TMEM236: variants seen among roughly 807,000 people sequenced by gnomAD.
TMEM236 encodes family with sequence similarity 23, member A.
In TMEM236, 11 loss-of-function variants were observed where a neutral mutation model predicts 14.7. The observed-to-expected ratio is 0.75, with a 90% CI of 0.47 to 1.24. The LOEUF is 1.24. Ranked by LOEUF, TMEM236 falls within the 50% of genes most tolerant of loss-of-function variation. The pLI, the probability that TMEM236 is intolerant of heterozygous loss-of-function variation, is 0.00. For missense variants in TMEM236, 464 were observed against 427.3 expected (o/e 1.09, Z -0.76); for synonymous variants, 182 against 168.6 (o/e 1.08, Z -0.62).
intron 1 of TMEM236, among the ~76,000 whole-genome samples, chr10:17,766,052 G>T (rs1001248690): frequency 5.9e-5 from 9 of 152,128 alleles, no homozygotes; most frequent in African/African-American, 2.2e-4. Context: ...CCACAGCCTT[G>T]GTGTTCTCTT....
intron 1 of TMEM236, among the ~76,000 whole-genome samples, chr10:17,755,260 T>C (rs1213579369): frequency 1.3e-5 from 2 of 152,128 alleles, no homozygotes; most frequent in African/African-American, 4.8e-5. Context: ...CGATGTTTTA[T>C]TTTGAAAGCG....
chr10:17,761,229 C>T (rs1837357576), intron 1 of TMEM236, among the ~76,000 whole-genome samples: 2 of 152,142 alleles, frequency 1.3e-5, no homozygotes, highest in Non-Finnish European at 2.9e-5. Flanking sequence ...AATCCAGTGT[C>T]AGACCTGATT....
At chr10:17,761,776 A>G (rs1490701343) in intron 1 of TMEM236, among the ~76,000 whole-genome samples, 7 of 152,104 alleles carry the variant, frequency 4.6e-5, no homozygotes, top group South Asian at 2.1e-4. Flanking sequence ...TTGCTTGTAA[A>G]TCAAATATTG....
chr10:17,796,176 T>G lies in TMEM236; in HGVS notation c.728T>G (p.Leu243Arg). Residue 243 changes from leucine (L) to arginine (R), a missense_variant, in exon 4 of 4, where the codon CTC (leucine) becomes CGC (arginine). Physicochemically the swap from Leu to Arg is moderately radical, Grantham distance 102 (BLOSUM62 -2). Coordinates refer to ENST00000377495, the MANE Select transcript of TMEM236 (RefSeq NM_001098844.3). ...VRAELFLWSFLLWSDTIEMVR... is the reference protein window; with the variant it reads ...VRAELFLWSFRLWSDTIEMVR... ...GCAGAGTTATTCTTATGGAGCTTTC[T>G]CCTGTGGTCTGACACGATAGAAATG... is the stretch of plus-strand genomic sequence containing the variant. 6.2e-7 allele frequency: 1 copy of G among 1,613,954 alleles called. No homozygotes were observed. Among genetic ancestry groups the G allele is most frequent in the South Asian group, 1.1e-5 (1 of 91,074 alleles).
rs1589155358 is a variant in TMEM236, at chr10:17,796,550, A to T, written c.*46A>T. 1.3e-5 allele frequency: 20 copies of T among 1,483,350 alleles called. No individual in the cohort carries two copies. The East Asian group carries it at 4.5e-4, about 34-fold the overall frequency. 91.9% of individuals were successfully genotyped at this position (1,483,350 alleles called of 1,614,324 possible). On this transcript the variant is annotated 3_prime_UTR_variant, in exon 4 of 4. Transcript: ENST00000377495. The stretch of plus-strand genomic sequence containing the variant: ...AGGCCTCTTTGTGATACCTGTGTGC[A>T]CATTTGTAATCCTTCTTTTTTTCTT...
Position 17,774,798 on chromosome 10 carries a change from T to TTTTCTCTC in TMEM236, c.331-1230_331-1229insTTCTCTCT, listed in dbSNP as rs1554835063. Among the ~76,000 whole-genome samples the TTTTCTCTC allele has an allele frequency of 2.8e-5, 4 of 142,060 alleles. No individual in the cohort carries two copies. The Admixed American group carries it at 2.9e-4, about 10-fold the overall frequency. The allele number at this position is 142,060 out of a possible 152,430, so 93.2% of individuals were successfully genotyped here. The stretch of plus-strand genomic sequence containing the variant: ...CTCCCTCCCTCCTTCCCTACCTCCT[T>TTTTCTCTC]TCTCTCTCTCTCTCTCTCTCTCTCT... On this transcript the variant is annotated intron_variant, in intron 2 of 3. Coordinates refer to ENST00000377495, the MANE Select transcript of TMEM236 (RefSeq NM_001098844.3).
intron 3 of TMEM236, among the ~76,000 whole-genome samples, chr10:17,777,864 G>A (rs1342108890): frequency 2.0e-5 from 3 of 151,624 alleles, no homozygotes; most frequent in Admixed American, 6.6e-5. Flanking sequence ...TCAGCCTCCC[G>A]AGTAGCTGGG....
At position 17,752,498 on chromosome 10, in the gene TMEM236, C is replaced by T. The variant is rs889646618; in HGVS notation, c.203C>T (p.Pro68Leu). The change falls in exon 1 of 4, where the codon CCT becomes CTT. Residue 68 changes from proline (P) to leucine (L), a missense_variant. Transcript: ENST00000377495. ...TTAGTGACTCTACTGATCTGGGTTCCTGTAAAAGTTATCCTGCACAAGAAA... is the reference window on the plus strand; with the variant it reads ...TTAGTGACTCTACTGATCTGGGTTCTTGTAAAAGTTATCCTGCACAAGAAA... ...VALVTLLIWV[P>L]VKVILHKKRY... 2 of 1,613,910 alleles carry T rather than the reference C, an allele frequency of 1.2e-6. No individual in the cohort carries two copies. Among genetic ancestry groups the T allele is most frequent in the Admixed American group, 3.3e-5 (2 of 60,016 alleles).
At chr10:17,758,517 G>A (rs928672346) in intron 1 of TMEM236, among the ~76,000 whole-genome samples, 4 of 152,122 alleles carry the variant, frequency 2.6e-5, no homozygotes, top group African/African-American at 4.8e-5. Context: ...TAATTTTTTC[G>A]TGAGCAAAAC....
At chr10:17,784,871 C>T (rs983488808) in intron 3 of TMEM236, among the ~76,000 whole-genome samples, 5 of 151,886 alleles carry the variant, frequency 3.3e-5, no homozygotes, top group South Asian at 2.1e-4. Context: ...ATGAAGTGGG[C>T]GAGGGATAGG....
intron 3 of TMEM236, among the ~76,000 whole-genome samples, chr10:17,781,534 T>G (rs1310607656): frequency 6.6e-6 from 1 of 151,792 alleles, no homozygotes; most frequent in Non-Finnish European, 1.5e-5. Context: ...TCACCTGAGG[T>G]CAGGAGTTTG....
chr10:17,753,364 A>T (rs1224605426), intron 1 of TMEM236, among the ~76,000 whole-genome samples: 1 of 152,120 alleles, frequency 6.6e-6, no homozygotes, highest in Non-Finnish European at 1.5e-5. Flanking sequence ...TAAGCCTAGT[A>T]CCTATTAGTT....
At chr10:17,776,437 AT>A (rs1472762320) in intron 3 of TMEM236, among the ~76,000 whole-genome samples, 1 of 152,250 alleles carries the variant, frequency 6.6e-6, no homozygotes, top group Non-Finnish European at 1.5e-5. Context: ...CTTAATGTTT[AT>A]TCCAGCAAGA....
At chr10:17,772,236 A>G (rs1255902676) in intron 2 of TMEM236, among the ~76,000 whole-genome samples, 1 of 152,216 alleles carries the variant, frequency 6.6e-6, no homozygotes, top group Non-Finnish European at 1.5e-5. Flanking sequence ...GTACCGAGTA[A>G]TGTATGACAT....
intron 3 of TMEM236, among the ~76,000 whole-genome samples, chr10:17,780,079 T>G (rs1168026226): frequency 6.6e-6 from 1 of 152,190 alleles, no homozygotes; most frequent in Non-Finnish European, 1.5e-5. Flanking sequence ...AGAGTGTATA[T>G]GTACCAACAA....
Position 17,798,945 on chromosome 10 carries a change from C to G in TMEM236, c.*2441C>G. 3.1e-6 allele frequency: 1 copy of G among 327,564 alleles called. No homozygotes were observed. Among genetic ancestry groups the G allele is most frequent in the Non-Finnish European group, 5.9e-6 (1 of 168,898 alleles). The allele number at this position is 327,564 out of a possible 1,614,324, so 20.3% of individuals were successfully genotyped here. On this transcript the variant is annotated 3_prime_UTR_variant, in exon 4 of 4. Coordinates refer to ENST00000377495, the MANE Select transcript of TMEM236 (RefSeq NM_001098844.3). ...TTATTCTTTTCTGTGGCCCTGCTCA[C>G]CCTCTGGGAATAATCATTTCAACTT... is the stretch of plus-strand genomic sequence containing the variant.
chr10:17,768,457 T>G (rs1198378564), intron 1 of TMEM236, among the ~76,000 whole-genome samples: 2 of 152,186 alleles, frequency 1.3e-5, no homozygotes, highest in African/African-American at 4.8e-5. Flanking sequence ...AATTGATTTA[T>G]TTTCTAAAAA....
At chr10:17,792,356 G>A (rs950297292) in intron 3 of TMEM236, among the ~76,000 whole-genome samples, 2,882 of 152,282 alleles carry the variant, frequency 0.019, 113 homozygotes, top group African/African-American at 0.065. Context: ...CCAAAGTGCT[G>A]GGATTACAGG....
chr10:17,755,637 C>T (rs1241930482), intron 1 of TMEM236, among the ~76,000 whole-genome samples: 3 of 152,136 alleles, frequency 2.0e-5, no homozygotes, highest in Non-Finnish European at 2.9e-5. Context: ...TGGGCTTGAC[C>T]CTCCACCTCT....
Sources: gnomAD v4.1 joint callset for allele counts (sites outside exome capture counted in the v4.1 genomes callset) on GRCh38, gnomAD v4.1.1 for gene constraint, MANE v1.5 for transcripts, NCBI Gene and HGNC (gene_info 2026-07-23, HGNC 2026-07-21) for gene names.